SEMA6D: variants seen among roughly 807,000 people sequenced by gnomAD.
SEMA6D encodes semaphorin-6D.
A neutral mutation model predicts 106.6 loss-of-function variants in SEMA6D; 35 were observed. The ratio of observed to expected loss-of-function variants is 0.33; its 90% CI spans 0.25 to 0.44. The LOEUF is 0.44. Ranked by LOEUF, SEMA6D falls within the 20% of genes least tolerant of loss-of-function variation. The pLI is 1.00. For synonymous variants in SEMA6D, 499 were observed against 487.7 expected (o/e 1.02, Z -0.31); for missense variants, 1,185 against 1,345.9 (o/e 0.88, Z 1.87).
intron 1 of SEMA6D, among the ~76,000 whole-genome samples, chr15:47,733,276 G>C (rs2080247714): frequency 6.6e-6 from 1 of 152,008 alleles, no homozygotes; most frequent in Non-Finnish European, 1.5e-5. Flanking sequence ...CCTTCACCCT[G>C]TCCTGTTTAA....
chr15:47,746,980 G>GTATA (rs752559574), intron 1 of SEMA6D, among the ~76,000 whole-genome samples: 59 of 116,678 alleles, frequency 5.1e-4, no homozygotes, highest in Non-Finnish European at 6.3e-4. Context: ...CTGTGTGTGT[G>GTATA]TGTGTATATA....
chr15:47,364,796 C>G (rs1018181188), intron 1 of SEMA6D, among the ~76,000 whole-genome samples: 12 of 151,456 alleles, frequency 7.9e-5, no homozygotes, highest in Non-Finnish European at 7.4e-5. Flanking sequence ...ATTCAGGACA[C>G]AAATGATTCC....
chr15:47,328,455 A>G (rs944662300), intron 1 of SEMA6D, among the ~76,000 whole-genome samples: 1 of 152,224 alleles, frequency 6.6e-6, no homozygotes, highest in Non-Finnish European at 1.5e-5. Flanking sequence ...AGCTTTCTTT[A>G]GTACAGATCA....
At chr15:47,615,334 A>T (rs1283124637) in intron 4 of SEMA6D, among the ~76,000 whole-genome samples, 2 of 152,234 alleles carry the variant, frequency 1.3e-5, no homozygotes, top group East Asian at 3.9e-4. Context: ...CTGCCATATT[A>T]TATAAGCAAC....
chr15:47,551,093 T>C (rs1377609531), intron 3 of SEMA6D, among the ~76,000 whole-genome samples: 1 of 152,150 alleles, frequency 6.6e-6, no homozygotes, highest in Non-Finnish European at 1.5e-5. Context: ...CCTCCAGTTA[T>C]ATGAAGGTTT....
chr15:47,604,786 T>C (rs1243754597), intron 4 of SEMA6D, among the ~76,000 whole-genome samples: 1 of 152,056 alleles, frequency 6.6e-6, no homozygotes, highest in Non-Finnish European at 1.5e-5. Context: ...AAGCTCTGCT[T>C]CCTGGGTTCA....
At chr15:47,239,256 C>T (rs747879368) in intron 1 of SEMA6D, among the ~76,000 whole-genome samples, 8 of 152,114 alleles carry the variant, frequency 5.3e-5, no homozygotes, top group Non-Finnish European at 8.8e-5. Context: ...CAGATGGGAC[C>T]GTGTAGTTGC....
intron 1 of SEMA6D, among the ~76,000 whole-genome samples, chr15:47,324,622 G>C (rs2037052049): frequency 6.6e-6 from 1 of 150,902 alleles, no homozygotes. Context: ...ATGAGAAAAA[G>C]ATATACACAT....
At chr15:47,277,693 T>A (rs889987503) in intron 1 of SEMA6D, among the ~76,000 whole-genome samples, 8 of 151,660 alleles carry the variant, frequency 5.3e-5, no homozygotes, top group African/African-American at 1.9e-4. Flanking sequence ...ACATGTGCCA[T>A]GCTGGTGCGC....
At chr15:47,257,514 A>C (rs2033872992) in intron 1 of SEMA6D, among the ~76,000 whole-genome samples, 2 of 152,290 alleles carry the variant, frequency 1.3e-5, no homozygotes, top group South Asian at 4.1e-4. Flanking sequence ...GAACTCAGTA[A>C]TATGTGTATT....
intron 1 of SEMA6D, among the ~76,000 whole-genome samples, chr15:47,287,152 A>G (rs2035402590): frequency 6.6e-6 from 1 of 152,176 alleles, no homozygotes; most frequent in South Asian, 2.1e-4. Context: ...GGAAGAATAA[A>G]AGATCTGTGT....
At chr15:47,380,915 T>C (rs953887362) in intron 1 of SEMA6D, among the ~76,000 whole-genome samples, 1 of 152,242 alleles carries the variant, frequency 6.6e-6, no homozygotes, top group Non-Finnish European at 1.5e-5. Context: ...GTCAAAATAG[T>C]TGGAGGTGAT....
At chr15:47,686,554 G>A (rs1240623189) in intron 4 of SEMA6D, among the ~76,000 whole-genome samples, 1 of 152,146 alleles carries the variant, frequency 6.6e-6, no homozygotes, top group Non-Finnish European at 1.5e-5. Context: ...ACAAAAGATA[G>A]CACACAAATT....
chr15:47,678,932 G>A (rs1402367237), intron 4 of SEMA6D, among the ~76,000 whole-genome samples: 1 of 152,030 alleles, frequency 6.6e-6, no homozygotes, highest in Admixed American at 6.6e-5. Context: ...TGTTAAAATG[G>A]GAATGAAAGC....
chr15:47,641,593 C>T (rs1460861269), intron 4 of SEMA6D, among the ~76,000 whole-genome samples: 1 of 152,152 alleles, frequency 6.6e-6, no homozygotes, highest in Non-Finnish European at 1.5e-5. Flanking sequence ...AAATGTGGCT[C>T]CTTTTATGAA....
chr15:47,553,442 CGCCTATCA>C (rs1346746905), intron 3 of SEMA6D, among the ~76,000 whole-genome samples: 1 of 152,154 alleles, frequency 6.6e-6, no homozygotes, highest in Non-Finnish European at 1.5e-5. Context: ...CCCACACCCG[CGCCTATCA>C]GCCTATCACC....
chr15:47,374,620 A>C (rs1205800668), intron 1 of SEMA6D, among the ~76,000 whole-genome samples: 3 of 152,180 alleles, frequency 2.0e-5, no homozygotes, highest in Admixed American at 1.3e-4. Context: ...TGTCCACTAC[A>C]TATGAGGCCC....
intron 3 of SEMA6D, among the ~76,000 whole-genome samples, chr15:47,480,906 A>G (rs2043137133): frequency 6.6e-6 from 1 of 152,204 alleles, no homozygotes; most frequent in African/African-American, 2.4e-5. Context: ...CCTCTTCCAG[A>G]AAGCCCTTCT....
intron 3 of SEMA6D, among the ~76,000 whole-genome samples, chr15:47,511,395 CA>C (rs1264271888): frequency 3.3e-5 from 5 of 152,208 alleles, no homozygotes; most frequent in Non-Finnish European, 5.9e-5. Flanking sequence ...TTCATCTTTA[CA>C]GTTGAAAGGG....
Sources: allele counts gnomAD v4.1 joint callset (sites outside exome capture counted in the v4.1 genomes callset), GRCh38; gene constraint gnomAD v4.1.1; transcripts MANE v1.5; gene names NCBI Gene and HGNC (gene_info 2026-07-23, HGNC 2026-07-21).